The following FER variants were observed in gnomAD, a reference collection of about 807,000 sequenced individuals.
The protein encoded by FER is tyrosine-protein kinase Fer.
In FER, 63 loss-of-function variants were observed where a neutral mutation model predicts 111.0. That is an observed-to-expected ratio of 0.57 (90% confidence interval 0.46 to 0.70). The LOEUF is 0.70. Ranked by LOEUF, FER falls within the 30% of genes least tolerant of loss-of-function variation. FER has a pLI of 0.00. For synonymous variants in FER, 327 were observed against 313.9 expected (o/e 1.04, Z -0.44); for missense variants, 914 against 954.0 (o/e 0.96, Z 0.55).
At chr5:108,789,188 A>G (rs558260186) in intron 2 of FER, among the ~76,000 whole-genome samples, 18 of 152,330 alleles carry the variant, frequency 1.2e-4, no homozygotes, top group Non-Finnish European at 1.0e-4. Context: ...TTTTTAAACT[A>G]TTGTATTCAT....
intron 14 of FER, 131 bp downstream of exon 14, chr5:109,037,609 C>G: frequency 1.7e-6 from 1 of 604,398 alleles, no homozygotes; most frequent in Non-Finnish European, 2.9e-6. Flanking sequence ...GAACACAATG[C>G]TATATCTTCT....
At chr5:109,061,964 A>C (rs1258594156) in intron 16 of FER, among the ~76,000 whole-genome samples, 1 of 152,148 alleles carries the variant, frequency 6.6e-6, no homozygotes, top group Non-Finnish European at 1.5e-5. Flanking sequence ...TCAAGTTTAG[A>C]GTGAGTAGTC....
rs543287512 is a variant in FER at position 109,020,769 on chromosome 5, T to C, written c.1657-16653T>C. Among the ~76,000 whole-genome samples, 292 of 152,182 alleles carry C rather than the reference T, an allele frequency of 1.9e-3. 2 individuals are homozygous for C. Among genetic ancestry groups the C allele is most frequent in the African/African-American group, 6.4e-3 (264 of 41,556 alleles). ...TGAACACTGTAAAAAGACCTCAAAA[T>C]TGGTTTTCAGCCACCTTGCCAAACT... On this transcript the variant is annotated intron_variant, in intron 13 of 19. Transcript: ENST00000281092.
chr5:108,764,247 C>G (rs1237899648), intron 1 of FER, among the ~76,000 whole-genome samples: 1 of 152,256 alleles, frequency 6.6e-6, no homozygotes, highest in East Asian at 1.9e-4. Flanking sequence ...CTATTACTTA[C>G]ATGCACATGC....
chr5:108,964,327 T>C (rs568139715), intron 13 of FER, among the ~76,000 whole-genome samples: 126 of 152,272 alleles, frequency 8.3e-4, no homozygotes, highest in Non-Finnish European at 1.3e-3. Context: ...TCCTAATGAA[T>C]TTTGGACAGA....
intron 3 of FER, among the ~76,000 whole-genome samples, chr5:108,804,575 A>G (rs750414711): frequency 1.3e-5 from 2 of 152,118 alleles, no homozygotes; most frequent in Admixed American, 6.5e-5. Flanking sequence ...TTCAATCTCA[A>G]TCATCAATTG....
At chr5:109,023,734 C>T (rs1167320059) in intron 13 of FER, among the ~76,000 whole-genome samples, 2 of 151,926 alleles carry the variant, frequency 1.3e-5, no homozygotes, top group Non-Finnish European at 2.9e-5. Flanking sequence ...TTCACTCACC[C>T]TATCTAGCCA....
intron 13 of FER, among the ~76,000 whole-genome samples, chr5:109,015,104 G>A (rs1766887583): frequency 6.6e-6 from 1 of 152,080 alleles, no homozygotes; most frequent in Non-Finnish European, 1.5e-5. Flanking sequence ...GTGTTTGACA[G>A]TTAACATACA....
intron 10 of FER, among the ~76,000 whole-genome samples, chr5:108,910,856 T>C (rs1211066585): frequency 6.6e-6 from 1 of 152,034 alleles, no homozygotes; most frequent in African/African-American, 2.4e-5. Context: ...TTCCATAGGG[T>C]ATATATACCA....
Position 108,936,044 on chromosome 5 carries a change from A to G in FER, c.1237-10086A>G, listed in dbSNP as rs1299978592. On this transcript the variant is annotated intron_variant, in intron 10 of 19. Transcript: ENST00000281092. ...CAGTCAACATAGCATAATGATTAATAGCAAAAAATTTGTATTAAAGCTGAA... is the reference window on the plus strand; with the variant it reads ...CAGTCAACATAGCATAATGATTAATGGCAAAAAATTTGTATTAAAGCTGAA... 9.2e-5 allele frequency among the ~76,000 whole-genome samples: 14 copies of G among 152,098 alleles called. 1 individual carries two copies. Among genetic ancestry groups the G allele is most frequent in the Admixed American group, 7.2e-4 (11 of 15,246 alleles).
At chr5:109,049,267 G>C (rs988788572) in intron 16 of FER, among the ~76,000 whole-genome samples, 2 of 152,182 alleles carry the variant, frequency 1.3e-5, no homozygotes, top group African/African-American at 4.8e-5. Flanking sequence ...TCCGTGCTCA[G>C]GGTCTCACAA....
intron 13 of FER, among the ~76,000 whole-genome samples, chr5:108,971,425 C>T (rs866576757): frequency 2.6e-5 from 4 of 152,138 alleles, no homozygotes; most frequent in South Asian, 2.1e-4. Context: ...TAAAATTTAG[C>T]TGTAAGCTTC....
intron 1 of FER, chr5:108,748,755 C>T (rs1750060684): frequency 6.6e-6 from 1 of 152,382 alleles, no homozygotes; most frequent in Non-Finnish European, 1.5e-5. Flanking sequence ...GGGACCGGGC[C>T]AATCGGCCGC....
chr5:108,823,658 G>C lies in FER; in HGVS notation c.208-9112G>C, dbSNP rs562710891. Among the ~76,000 whole-genome samples, 9 of 152,212 alleles carry C rather than the reference G, an allele frequency of 5.9e-5. No individual in the cohort carries two copies. In the South Asian group the frequency reaches 1.7e-3, roughly 28 times the overall value. Reference sequence around the variant, plus strand: ...TTCTGTGTGCTGTTGAGTTGTGTTAGTTCCTTACATATTTATATCAGTTCC... The same window carrying C: ...TTCTGTGTGCTGTTGAGTTGTGTTACTTCCTTACATATTTATATCAGTTCC... On this transcript the variant is annotated intron_variant, in intron 3 of 19. Transcript: ENST00000281092.
chr5:108,914,644 G>A (rs535323974), intron 10 of FER, among the ~76,000 whole-genome samples: 2 of 152,182 alleles, frequency 1.3e-5, no homozygotes, highest in Admixed American at 1.3e-4. Context: ...ATGCAGGAGC[G>A]GTGAAATCAG....
intron 2 of FER, among the ~76,000 whole-genome samples, chr5:108,776,739 T>G (rs1366656082): frequency 6.6e-6 from 1 of 152,242 alleles, no homozygotes; most frequent in Non-Finnish European, 1.5e-5. Flanking sequence ...AAAAAAGTTT[T>G]AAATCAGTAT....
intron 13 of FER, among the ~76,000 whole-genome samples, chr5:108,987,689 T>C (rs1019593664): frequency 6.6e-6 from 1 of 152,158 alleles, no homozygotes; most frequent in African/African-American, 2.4e-5. Context: ...TACAAGCTTT[T>C]TGGAGGAGTC....
At position 108,872,363 on chromosome 5, in the gene FER, T is replaced by C. The variant is rs60392464; in HGVS notation, c.923+151T>C. The C allele has an allele frequency of 6.3e-3, 4,287 of 684,772 alleles. 155 individuals carry two copies. The African/African-American group carries it at 0.073, about 12-fold the overall frequency. The allele number at this position is 684,772 out of a possible 1,614,324, so 42.4% of individuals were successfully genotyped here. On this transcript the variant is annotated intron_variant, in intron 8 of 19. Coordinates refer to ENST00000281092, the MANE Select transcript of FER (RefSeq NM_005246.4). ...CATGTTTTGAGAAATATGTTAATTT[T>C]ACTCATTTTCGTCACTACTTTTGGT...
chr5:108,772,786 C>T (rs1462371428), intron 2 of FER, among the ~76,000 whole-genome samples: 1 of 152,216 alleles, frequency 6.6e-6, no homozygotes, highest in African/African-American at 2.4e-5. Context: ...CTCCTCCACC[C>T]TCCATTGCCT....
Sources: gnomAD v4.1 joint callset for allele counts (sites outside exome capture counted in the v4.1 genomes callset) on GRCh38, gnomAD v4.1.1 for gene constraint, MANE v1.5 for transcripts, NCBI Gene and HGNC (gene_info 2026-07-23, HGNC 2026-07-21) for gene names.